RIPOR2: variants seen among roughly 807,000 people sequenced by gnomAD.
RIPOR2 encodes rho family-interacting cell polarization regulator 2.
A neutral mutation model predicts 114.5 loss-of-function variants in RIPOR2; 39 were observed. The observed-to-expected ratio is 0.34, with a 90% CI of 0.26 to 0.44. The LOEUF is 0.44. Ranked by LOEUF, RIPOR2 falls within the 20% of genes least tolerant of loss-of-function variation. The pLI is 1.00. For missense variants in RIPOR2, 1,007 were observed against 1,255.1 expected (o/e 0.80, Z 2.99); for synonymous variants, 445 against 484.4 (o/e 0.92, Z 1.07).
At chr6:24,821,325 G>A (rs538279098) in intron 19 of RIPOR2, among the ~76,000 whole-genome samples, 10 of 151,856 alleles carry the variant, frequency 6.6e-5, no homozygotes, top group Non-Finnish European at 1.0e-4. Flanking sequence ...TGGGATTACA[G>A]GCATGCTCCA....
intron 1 of RIPOR2, among the ~76,000 whole-genome samples, chr6:24,886,943 T>C (rs546855967): frequency 1.3e-5 from 2 of 152,344 alleles, no homozygotes; most frequent in African/African-American, 4.8e-5. Flanking sequence ...CTCTTTAAAC[T>C]CTATCATTCC....
intron 17 of RIPOR2, among the ~76,000 whole-genome samples, chr6:24,828,697 A>C (rs1226262776): frequency 6.6e-6 from 1 of 151,798 alleles, no homozygotes; most frequent in African/African-American, 2.4e-5. Flanking sequence ...TTATATATAA[A>C]ATATATAATG....
rs1331491570 is a variant in RIPOR2, at chr6:24,835,999, A to C, written c.2040-128T>G. ...AGTCTTTCACTTGCCTATCTTGAAA[A>C]ATAGAGACACCTTTAAAAAATTACT... On this transcript the variant is annotated intron_variant, in intron 14 of 21. Coordinates refer to ENST00000643898, the MANE Select transcript of RIPOR2 (RefSeq NM_001286445.3). The C allele has an allele frequency of 1.7e-5, 14 of 814,674 alleles. No individual in the cohort carries two copies. The Admixed American group carries it at 3.6e-4, about 21-fold the overall frequency. The allele number at this position is 814,674 out of a possible 1,614,324, so 50.5% of individuals were successfully genotyped here. A position where few individuals can be genotyped will look rare whatever the true frequency, so the allele number is the denominator to read the frequency against.
chr6:24,941,559 C>T (rs1456104341), intron 1 of RIPOR2, among the ~76,000 whole-genome samples: 1 of 152,048 alleles, frequency 6.6e-6, no homozygotes, highest in Non-Finnish European at 1.5e-5. Flanking sequence ...ACTAATTGTC[C>T]CAAATTAAAA....
intron 1 of RIPOR2, among the ~76,000 whole-genome samples, chr6:24,972,237 G>GA (rs35042934): frequency 6.6e-6 from 1 of 152,126 alleles, no homozygotes; most frequent in East Asian, 1.9e-4. Flanking sequence ...AGTCTATGGA[G>GA]AAAAAAATGT....
intron 1 of RIPOR2, among the ~76,000 whole-genome samples, chr6:24,950,178 T>C (rs1235620441): frequency 6.6e-6 from 1 of 152,212 alleles, no homozygotes; most frequent in African/African-American, 2.4e-5. Context: ...TAGTGTTTCA[T>C]TGGATGGTTT....
At position 24,949,783 on chromosome 6, in the gene RIPOR2, A is replaced by C. The variant is rs1285048081; in HGVS notation, c.77-73966T>G. On this transcript the variant is annotated intron_variant, in intron 1 of 13. Transcript: ENST00000510784. Reference sequence around the variant, plus strand: ...GGTTAGCAAGAGTTCACCAGGGCCTAGCTCCTTGTCCCTCAGGGAAAGCCC... The same window carrying C: ...GGTTAGCAAGAGTTCACCAGGGCCTCGCTCCTTGTCCCTCAGGGAAAGCCC... Among the ~76,000 whole-genome samples, 4 of 152,256 alleles carry C rather than the reference A, an allele frequency of 2.6e-5. No individual in the cohort carries two copies. In the East Asian group the frequency reaches 7.7e-4, roughly 29 times the overall value.
intron 14 of RIPOR2, among the ~76,000 whole-genome samples, chr6:24,837,312 G>A (rs1054888575): frequency 4.0e-5 from 6 of 151,774 alleles, no homozygotes; most frequent in African/African-American, 7.3e-5. Flanking sequence ...TAGTAGAGAC[G>A]GGGTTTCACC....
intron 1 of RIPOR2, among the ~76,000 whole-genome samples, chr6:25,006,704 C>T (rs1775575895): frequency 6.6e-6 from 1 of 152,148 alleles, no homozygotes; most frequent in Non-Finnish European, 1.5e-5. Flanking sequence ...ATAACACCTA[C>T]CAGAGCCACG....
chr6:24,821,096 C>A (rs910694546), intron 19 of RIPOR2, among the ~76,000 whole-genome samples: 1 of 151,788 alleles, frequency 6.6e-6, no homozygotes, highest in Non-Finnish European at 1.5e-5. Context: ...TGGTCTTGAA[C>A]TCCTGACCTC....
At chr6:24,935,813 C>G (rs1324696267) in intron 1 of RIPOR2, 25 bp downstream of exon 1, 1 of 1,512,544 alleles carries the variant, frequency 6.6e-7, no homozygotes, top group Admixed American at 2.0e-5. Context: ...GACCGGAGAG[C>G]CTCCTGCCAG....
chr6:25,041,829 T>C lies in RIPOR2; in HGVS notation c.76+22A>G, dbSNP rs114410248. On this transcript the variant is annotated intron_variant, in intron 1 of 13. Transcript: ENST00000510784. ...GTGGAAAACAAAGGCAGAGAGTAGG[T>C]AACACCAGACGGGACACTCACGGTT... The C allele has an allele frequency of 1.1e-3, 760 of 700,728 alleles. 4 individuals carry two copies. In the African/African-American group the frequency reaches 0.011, roughly 10 times the overall value. 43.4% of individuals were successfully genotyped at this position (700,728 alleles called of 1,614,324 possible).
chr6:25,026,968 A>ACAT (rs902851094), intron 1 of RIPOR2, among the ~76,000 whole-genome samples: 5 of 152,306 alleles, frequency 3.3e-5, no homozygotes, highest in African/African-American at 1.2e-4. Context: ...TGATTTGCTG[A>ACAT]CATCACCTCA....
At chr6:25,004,291 G>A (rs1554130355) in intron 1 of RIPOR2, among the ~76,000 whole-genome samples, 1 of 152,204 alleles carries the variant, frequency 6.6e-6, no homozygotes, top group Non-Finnish European at 1.5e-5. Context: ...ACAAGGCACA[G>A]ACAGGCTTTA....
chr6:24,819,803 T>C (rs1174757552), intron 19 of RIPOR2, among the ~76,000 whole-genome samples: 2 of 151,404 alleles, frequency 1.3e-5, no homozygotes, highest in African/African-American at 4.9e-5. Context: ...ACCCGGCCAA[T>C]TGTCTTATTT....
chr6:24,944,419 T>C (rs1414027862), intron 1 of RIPOR2, among the ~76,000 whole-genome samples: 2 of 152,164 alleles, frequency 1.3e-5, no homozygotes, highest in Non-Finnish European at 1.5e-5. Flanking sequence ...ACAAACAATA[T>C]AGACTTTACA....
chr6:24,913,774 T>C (rs7773196), intron 1 of RIPOR2, among the ~76,000 whole-genome samples: 12,866 of 152,208 alleles, frequency 0.085, 1,079 homozygotes, highest in African/African-American at 0.22. Context: ...TTTTAGGTTC[T>C]TACTATCCCT....
intron 1 of RIPOR2, chr6:24,910,705 G>T: frequency 3.4e-6 from 2 of 589,722 alleles, no homozygotes; most frequent in South Asian, 7.5e-5. Flanking sequence ...AGTTTCAACG[G>T]CTGCTTAGCA....
chr6:25,015,895 GGTTTTT>G (rs1775959906), intron 1 of RIPOR2: 1 of 16,450 alleles, frequency 6.1e-5, no homozygotes, highest in Non-Finnish European at 1.2e-4. Context: ...CAGGTTTTTT[GGTTTTT>G]TTTTTTTTTT....
Sources: gnomAD v4.1 joint callset for allele counts (sites outside exome capture counted in the v4.1 genomes callset) on GRCh38, gnomAD v4.1.1 for gene constraint, MANE v1.5 for transcripts, NCBI Gene and HGNC (gene_info 2026-07-23, HGNC 2026-07-21) for gene names.